BCLAF3: variants seen among roughly 807,000 people sequenced by gnomAD.
The protein encoded by BCLAF3 is transient octamer binding factor 1.
In BCLAF3, 24 loss-of-function variants were observed where a neutral mutation model predicts 51.2. The observed-to-expected ratio is 0.47, with a 90% CI of 0.34 to 0.66. The LOEUF is 0.66. BCLAF3 is among the 30% of genes least tolerant of loss of function. The probability of loss-of-function intolerance (pLI) is 0.01; values close to 1 mark genes in which losing one functional copy is unlikely to be tolerated. For synonymous variants in BCLAF3, 152 were observed against 176.6 expected, an observed-to-expected ratio of 0.86 and a Z score of 1.10; for missense variants, 465 against 525.1, an observed-to-expected ratio of 0.89 and a Z score of 1.12.
chrX:19,962,890 G>A (rs2071910694), intron 4 of BCLAF3, among the ~76,000 whole-genome samples: 2 of 110,457 alleles, frequency 1.8e-5, no homozygotes, highest in Admixed American at 1.9e-4. Context: ...TTTGAGACCA[G>A]CCTGGGCAAC....
At position 19,953,943 on chromosome X, in the gene BCLAF3, A is replaced by C. The variant is rs190968143; in HGVS notation, c.1451-51T>G. 907 of 1,173,761 alleles carry C rather than the reference A, an allele frequency of 7.7e-4. 4 individuals carry two copies. The African/African-American group carries it at 0.014, about 18-fold the overall frequency. On this transcript the variant is annotated intron_variant, in intron 5 of 11. Coordinates refer to ENST00000379682, the MANE Select transcript of BCLAF3 (RefSeq NM_001367774.2). ...TCTCAATGTTAAGCTGATTTCACTTAAAAGATTACATATAAGCACAGAAAG... is the reference window on the plus strand; with the variant it reads ...TCTCAATGTTAAGCTGATTTCACTTCAAAGATTACATATAAGCACAGAAAG...
chrX:19,954,736 A>T (rs1366119732), intron 5 of BCLAF3, among the ~76,000 whole-genome samples: 1 of 112,291 alleles, frequency 8.9e-6, no homozygotes, highest in African/African-American at 3.2e-5. Context: ...CAAAATAAAA[A>T]ATTTTAAATT....
chrX:19,954,318 T>C (rs1488589069), intron 5 of BCLAF3: 1 of 393,608 alleles, frequency 2.5e-6, no homozygotes, highest in African/African-American at 2.7e-5. Context: ...CTAAATGTTA[T>C]GTTTGCATAT....
chrX:19,965,874 C>A (rs1331917398), intron 3 of BCLAF3, among the ~76,000 whole-genome samples, 168 bp from the exon 4 acceptor site: 1 of 111,925 alleles, frequency 8.9e-6, no homozygotes, highest in East Asian at 2.8e-4. Flanking sequence ...AGGAAAATAC[C>A]ATCTTTTAAA....
intron 1 of BCLAF3, among the ~76,000 whole-genome samples, chrX:19,972,387 G>GT (rs2072285737): frequency 9.0e-6 from 1 of 111,665 alleles, no homozygotes; most frequent in Non-Finnish European, 1.9e-5. Flanking sequence ...CCCAAAGGTG[G>GT]TAATTTTTTT....
At chrX:19,981,587 C>A (rs2072613034) in intron 1 of BCLAF3, among the ~76,000 whole-genome samples, 1 of 111,731 alleles carries the variant, frequency 9.0e-6, no homozygotes, top group South Asian at 3.6e-4. Flanking sequence ...TAGATAGATA[C>A]CCAGGAGAAA....
At chrX:19,926,050 T>C (rs1379760284) in intron 11 of BCLAF3, among the ~76,000 whole-genome samples, 1 of 111,828 alleles carries the variant, frequency 8.9e-6, no homozygotes, top group East Asian at 2.8e-4. Context: ...AAATTGTGGC[T>C]CTGGCTTGCT....
At chrX:19,985,815 T>G (rs1332345404) in intron 1 of BCLAF3, among the ~76,000 whole-genome samples, 2 of 110,181 alleles carry the variant, frequency 1.8e-5, no homozygotes, top group African/African-American at 6.6e-5. Flanking sequence ...AGTGTGGTGG[T>G]GCACCACTGT....
At chrX:19,942,027 T>G (rs2071072726) in intron 8 of BCLAF3, among the ~76,000 whole-genome samples, 1 of 73,218 alleles carries the variant, frequency 1.4e-5, no homozygotes, top group Admixed American at 1.6e-4. Context: ...TTATTCTCTT[T>G]GAAGCAATTG....
At chrX:19,954,034 A>G (rs2071581995) in intron 5 of BCLAF3, 142 bp from the exon 6 acceptor site, 3 of 1,045,786 alleles carry the variant, frequency 2.9e-6, no homozygotes, top group South Asian at 2.9e-5. Context: ...AACTTATTTC[A>G]CAGACTAATT....
chrX:19,920,027 A>G lies in BCLAF3; in HGVS notation c.2107-2693T>C, dbSNP rs1196687362. ...GATGGGTGCTGAAACTGTTTGTGTA[A>G]ATAAGATGGTTTACGCTGAGCACTC... On this transcript the variant is annotated intron_variant, in intron 11 of 11. Transcript: ENST00000379682. Among the ~76,000 whole-genome samples the G allele has an allele frequency of 6.3e-5, 7 of 111,168 alleles. No individual in the cohort carries two copies. In the Admixed American group the frequency reaches 6.7e-4, roughly 11 times the overall value.
intron 1 of BCLAF3, among the ~76,000 whole-genome samples, chrX:19,989,317 G>A (rs1018131133): frequency 7.5e-4 from 82 of 109,642 alleles, no homozygotes; most frequent in African/African-American, 2.2e-3. Flanking sequence ...CAAATATGGT[G>A]AAACCCCATC....
chrX:19,978,483 T>C (rs139158923), intron 1 of BCLAF3, among the ~76,000 whole-genome samples: 33 of 112,258 alleles, frequency 2.9e-4, no homozygotes, highest in Non-Finnish European at 5.6e-4. Flanking sequence ...AGCCTGAAGA[T>C]GTGACTAAAT....
At chrX:19,946,142 T>G (rs1352631894) in intron 8 of BCLAF3, among the ~76,000 whole-genome samples, 2 of 111,188 alleles carry the variant, frequency 1.8e-5, no homozygotes, top group Non-Finnish European at 3.8e-5. Flanking sequence ...TCGCGCCCGG[T>G]GCGCGCACCC....
chrX:19,964,052 TTTTGTTTTACAAAAAAGGACTTGTGGG>T (rs1218487143), intron 4 of BCLAF3, among the ~76,000 whole-genome samples: 2 of 111,736 alleles, frequency 1.8e-5, no homozygotes, highest in Admixed American at 9.5e-5. Flanking sequence ...ACAAAAAATA[TTTTGTTTTACAAAAAAGGACTTGTGGG>T]TTTACCTCCC....
At position 19,917,280 on chromosome X, in the gene BCLAF3, T is replaced by C. The variant is rs771357247; in HGVS notation, c.*25A>G. The C allele has an allele frequency of 3.7e-5, 44 of 1,191,087 alleles. No homozygotes were observed. The highest frequency in any genetic ancestry group is 5.0e-5 in the Non-Finnish European group (44 of 878,584). On this transcript the variant is annotated 3_prime_UTR_variant, in exon 12 of 12. Coordinates refer to ENST00000379682, the MANE Select transcript of BCLAF3 (RefSeq NM_001367774.2). ...TGCTCCCAAACATCCTCCTGTAGCG[T>C]CATTTCCATTTGTACGATTTCAGAT...
intron 1 of BCLAF3, among the ~76,000 whole-genome samples, chrX:19,981,875 G>C (rs903510469): frequency 8.4e-5 from 9 of 107,042 alleles, no homozygotes; most frequent in African/African-American, 2.8e-4. Context: ...AGAAGGGGTG[G>C]GGGGATGAGA....
chrX:19,935,602 T>TA (rs199580426), intron 10 of BCLAF3: 17,313 of 293,092 alleles, frequency 0.059, 63 homozygotes, highest in East Asian at 0.099. Flanking sequence ...AATCTACTGG[T>TA]AAAAAAAAAA....
At chrX:19,969,293 G>GC (rs1027510136) in intron 2 of BCLAF3, among the ~76,000 whole-genome samples, 5 of 112,076 alleles carry the variant, frequency 4.5e-5, no homozygotes, top group Non-Finnish European at 9.4e-5. Context: ...TAACTGAAAT[G>GC]CACAAGCAAA....
Sources: gnomAD v4.1 joint callset for allele counts (sites outside exome capture counted in the v4.1 genomes callset) on GRCh38, gnomAD v4.1.1 for gene constraint, MANE v1.5 for transcripts, NCBI Gene and HGNC (gene_info 2026-07-23, HGNC 2026-07-21) for gene names.